Variants in AP4S1 observed in about 807,000 individuals in gnomAD.
AP4S1 encodes the protein AP-4 complex subunit sigma-1.
A neutral mutation model predicts 19.8 loss-of-function variants in AP4S1; 23 were observed. The ratio of observed to expected loss-of-function variants is 1.16; its 90% confidence interval spans 0.84 to 1.65. AP4S1 has a LOEUF of 1.65. Ranked by LOEUF, AP4S1 falls within the 40% of genes most tolerant of loss-of-function variation. AP4S1 has a pLI of 0.00. For missense variants in AP4S1, 166 were observed against 172.8 expected, an observed-to-expected ratio of 0.96 and a Z score of 0.22; for synonymous variants, 46 against 54.1, an observed-to-expected ratio of 0.85 and a Z score of 0.66.
intron 4 of AP4S1, among the ~76,000 whole-genome samples, chr14:31,073,407 G>A (rs1457427229): frequency 3.0e-4 from 40 of 135,108 alleles, no homozygotes; most frequent in African/African-American, 7.8e-4. Context: ...GGAGAATGGC[G>A]TGAACCCGGG....
intron 1 of AP4S1, among the ~76,000 whole-genome samples, chr14:31,046,477 A>G (rs779181709): frequency 3.9e-5 from 6 of 152,186 alleles, no homozygotes; most frequent in Non-Finnish European, 5.9e-5. Context: ...TTTCTACTGT[A>G]TGGATATACC....
intron 4 of AP4S1, among the ~76,000 whole-genome samples, chr14:31,075,444 G>T (rs1190563780): frequency 1.3e-5 from 2 of 152,034 alleles, no homozygotes; most frequent in Non-Finnish European, 2.9e-5. Context: ...GGGTGCTTTG[G>T]TTGATTCCAT....
At chr14:31,045,832 G>A (rs1885364534) in intron 1 of AP4S1, among the ~76,000 whole-genome samples, 1 of 152,016 alleles carries the variant, frequency 6.6e-6, no homozygotes, top group Non-Finnish European at 1.5e-5. Context: ...TACTAATAAA[G>A]TGACCTAGAG....
At chr14:31,035,600 A>G (rs908308305) in intron 1 of AP4S1, among the ~76,000 whole-genome samples, 1 of 150,154 alleles carries the variant, frequency 6.7e-6, no homozygotes, top group African/African-American at 2.5e-5. Context: ...GATCCAAACA[A>G]AATCCATACA....
chr14:31,091,525 CTT>C (rs370922349), intron 5 of AP4S1, among the ~76,000 whole-genome samples: 3 of 141,630 alleles, frequency 2.1e-5, no homozygotes, highest in Non-Finnish European at 1.5e-5. Context: ...CAGAATAACG[CTT>C]TTTTTTTTTT....
intron 5 of AP4S1, among the ~76,000 whole-genome samples, chr14:31,086,659 G>A (rs929402099): frequency 6.6e-6 from 1 of 151,956 alleles, no homozygotes; most frequent in African/African-American, 2.4e-5. Flanking sequence ...CAGGTGATCC[G>A]CCCCCTTTGG....
At chr14:31,048,211 G>A (rs1185850480) in intron 1 of AP4S1, among the ~76,000 whole-genome samples, 2 of 149,884 alleles carry the variant, frequency 1.3e-5, no homozygotes, top group Non-Finnish European at 3.0e-5. Flanking sequence ...CTCTTGCCTC[G>A]GCCTCCCAAG....
chr14:31,032,213 C>G (rs1334986102), intron 1 of AP4S1, among the ~76,000 whole-genome samples: 1 of 152,166 alleles, frequency 6.6e-6, no homozygotes, highest in East Asian at 1.9e-4. Flanking sequence ...GGAACCTCAT[C>G]TCTACTAAAA....
At chr14:31,052,295 T>C (rs1057002995) in intron 1 of AP4S1, among the ~76,000 whole-genome samples, 1 of 152,096 alleles carries the variant, frequency 6.6e-6, no homozygotes, top group Non-Finnish European at 1.5e-5. Flanking sequence ...ATGAAGTTGG[T>C]ATTAACAATT....
Position 31,049,474 on chromosome 14 carries a change from TACACACAC to T in AP4S1, c.-71-16624_-71-16617del, listed in dbSNP as rs1165169644. 1.6e-3 allele frequency among the ~76,000 whole-genome samples: 93 copies of T among 57,166 alleles called. 2 individuals are homozygous for T. The highest frequency in any genetic ancestry group is 4.8e-3 in the African/African-American group (83 of 17,428). The allele number at this position is 57,166 out of a possible 152,430, so 37.5% of individuals were successfully genotyped here. On this transcript the variant is annotated intron_variant, in intron 1 of 5. Transcript: ENST00000542754. ...ATATATATATATATGTATATATATGTACACACACACACACACACACACACACACACACA... is the reference window on the plus strand; with the variant it reads ...ATATATATATATATGTATATATATGTACACACACACACACACACACACACA...
In AP4S1 at chr14:31,037,203, A is replaced by G. The variant is rs557332782; in HGVS notation, c.-72+11416A>G. On this transcript the variant is annotated intron_variant, in intron 1 of 5. Coordinates refer to ENST00000542754, the MANE Select transcript of AP4S1 (RefSeq NM_001128126.3). ...ACGCACACACACCCTTCCCACCCCA[A>G]CCTCTCCCTCCCACCCTGTATCTTC... Among the ~76,000 whole-genome samples, 44 of 150,282 alleles carry G rather than the reference A, an allele frequency of 2.9e-4. No homozygotes were observed. In the East Asian group the frequency reaches 5.1e-3, roughly 17 times the overall value.
chr14:31,053,742 A>G (rs1358807093), intron 1 of AP4S1, among the ~76,000 whole-genome samples: 1 of 151,458 alleles, frequency 6.6e-6, no homozygotes, highest in Non-Finnish European at 1.5e-5. Context: ...GCCTTTAGTA[A>G]CCTTTTATAG....
At chr14:31,081,315 G>C (rs1388287264) in intron 5 of AP4S1, among the ~76,000 whole-genome samples, 1 of 152,180 alleles carries the variant, frequency 6.6e-6, no homozygotes, top group East Asian at 1.9e-4. Flanking sequence ...AAGGCCTTCA[G>C]TGTTGATAAA....
At chr14:31,053,374 G>A (rs1885916439) in intron 1 of AP4S1, among the ~76,000 whole-genome samples, 6 of 152,106 alleles carry the variant, frequency 3.9e-5, no homozygotes, top group Admixed American at 3.9e-4. Flanking sequence ...GATGGCCAGA[G>A]GGCAGATACC....
chr14:31,090,222 G>A (rs1282377501), intron 5 of AP4S1, among the ~76,000 whole-genome samples: 2 of 152,106 alleles, frequency 1.3e-5, no homozygotes, highest in South Asian at 2.1e-4. Flanking sequence ...CTGACCTCAC[G>A]TAATCTGCCC....
At chr14:31,046,702 C>T (rs546439498) in intron 1 of AP4S1, among the ~76,000 whole-genome samples, 5 of 151,960 alleles carry the variant, frequency 3.3e-5, no homozygotes, top group African/African-American at 1.2e-4. Context: ...AAAAGTTAGC[C>T]GGGCATGGTG....
chr14:31,081,643 CAA>C (rs1887640974), intron 5 of AP4S1, among the ~76,000 whole-genome samples: 1 of 151,192 alleles, frequency 6.6e-6, no homozygotes, highest in African/African-American at 2.4e-5. Flanking sequence ...TTAATTATAA[CAA>C]ATGTTTATAT....
chr14:31,073,648 G>C (rs1223684018), intron 4 of AP4S1, among the ~76,000 whole-genome samples: 1 of 150,332 alleles, frequency 6.7e-6, no homozygotes, highest in Non-Finnish European at 1.5e-5. Context: ...TTGTTGCCCA[G>C]GCTGGAGTGC....
rs544165672 is a variant in AP4S1 at position 31,043,225 on chromosome 14, G to GA, written c.-72+17450dup. ...GACAGAGCGAGACTCTTTCAAAAAA[G>GA]AAAAAAAAAAAAGAAAGCAACACAC... On this transcript the variant is annotated intron_variant, in intron 1 of 5. Transcript: ENST00000542754. Among the ~76,000 whole-genome samples, 678 of 131,690 alleles carry GA rather than the reference G, an allele frequency of 5.1e-3. 5 individuals are homozygous for GA. Among genetic ancestry groups the GA allele is most frequent in the African/African-American group, 0.016 (566 of 35,460 alleles). 86.4% of individuals were successfully genotyped at this position (131,690 alleles called of 152,430 possible). A position where few individuals can be genotyped will look rare whatever the true frequency, so the allele number is the denominator to read the frequency against.
Sources: gnomAD v4.1 joint callset for allele counts (sites outside exome capture counted in the v4.1 genomes callset) on GRCh38, gnomAD v4.1.1 for gene constraint, MANE v1.5 for transcripts, NCBI Gene and HGNC (gene_info 2026-07-23, HGNC 2026-07-21) for gene names.